Variants in PCDH15 observed in about 807,000 individuals in gnomAD.
PCDH15 encodes protocadherin-15.
A neutral mutation model predicts 178.5 loss-of-function variants in PCDH15; 129 were observed. The observed-to-expected ratio is 0.72, with a 90% CI of 0.63 to 0.84. PCDH15 has a LOEUF of 0.84. PCDH15 is among the 40% of genes least tolerant of loss of function. The pLI is 0.00. For synonymous variants in PCDH15, 800 were observed against 732.0 expected, an observed-to-expected ratio of 1.09 and a Z score of -1.50; for missense variants, 2,230 against 2,099.9, an observed-to-expected ratio of 1.06 and a Z score of -1.21.
chr10:53,897,633 CAAA>C (rs1589305652), intron 26 of PCDH15, among the ~76,000 whole-genome samples: 1 of 150,378 alleles, frequency 6.6e-6, no homozygotes, highest in Non-Finnish European at 1.5e-5. Context: ...CATTCATGCT[CAAA>C]ACGTCTTCTT....
chr10:53,827,600 T>TTA, intron 31 of PCDH15, 52 bp from the exon 32 acceptor site: 1 of 1,607,378 alleles, frequency 6.2e-7, no homozygotes, highest in African/African-American at 1.3e-5. Flanking sequence ...ATCATAATGC[T>TTA]TATCAATAAG....
At chr10:55,181,106 G>A (rs1247654989) in intron 1 of PCDH15, among the ~76,000 whole-genome samples, 1 of 151,954 alleles carries the variant, frequency 6.6e-6, no homozygotes. Context: ...TAAAATATGT[G>A]AAGAGAATAG....
intron 20 of PCDH15, among the ~76,000 whole-genome samples, chr10:53,997,619 A>G (rs186267226): frequency 1.3e-5 from 2 of 152,302 alleles, no homozygotes; most frequent in Admixed American, 1.3e-4. Context: ...AACAAAAAAA[A>G]TGTATATACT....
chr10:53,906,791 C>G (rs1168951735), intron 25 of PCDH15: 1 of 123,518 alleles, frequency 8.1e-6, no homozygotes, highest in Non-Finnish European at 1.6e-5. Flanking sequence ...TTACCCCACC[C>G]CTTATTCCTC....
chr10:54,154,031 T>G (rs527777662), intron 13 of PCDH15, among the ~76,000 whole-genome samples: 322 of 152,268 alleles, frequency 2.1e-3, no homozygotes, highest in Non-Finnish European at 2.4e-3. Context: ...TTTACATATA[T>G]CTATAATCAT....
At chr10:54,767,952 T>G (rs1948699685) in intron 1 of PCDH15, among the ~76,000 whole-genome samples, 1 of 152,130 alleles carries the variant, frequency 6.6e-6, no homozygotes, top group Non-Finnish European at 1.5e-5. Context: ...TGAATTTCAG[T>G]TAATAATAAC....
chr10:55,582,619 TA>T (rs1284178132), intron 2 of PCDH15, among the ~76,000 whole-genome samples: 1,820 of 102,502 alleles, frequency 0.018, 49 homozygotes, highest in African/African-American at 0.062. Context: ...TATATATATA[TA>T]TATATATATT....
chr10:54,083,458 A>G (rs924750066), intron 16 of PCDH15, among the ~76,000 whole-genome samples: 2 of 152,184 alleles, frequency 1.3e-5, no homozygotes, highest in Admixed American at 6.6e-5. Flanking sequence ...AAAAGTAGGG[A>G]CCTACTTGCA....
At chr10:54,856,110 G>C (rs1037735582) in intron 3 of PCDH15, among the ~76,000 whole-genome samples, 4 of 152,118 alleles carry the variant, frequency 2.6e-5, no homozygotes, top group Non-Finnish European at 5.9e-5. Context: ...ATGATTGTAA[G>C]AAATATTTTT....
At chr10:55,446,351 GTTTA>G (rs1484861513) in intron 2 of PCDH15, among the ~76,000 whole-genome samples, 1 of 151,598 alleles carries the variant, frequency 6.6e-6, no homozygotes, top group East Asian at 1.9e-4. Context: ...GAAACAAAAA[GTTTA>G]TTTAATAAGA....
chr10:55,217,580 CA>C (rs201645366), intron 1 of PCDH15, among the ~76,000 whole-genome samples: 3,151 of 151,916 alleles, frequency 0.021, 126 homozygotes, highest in African/African-American at 0.071. Flanking sequence ...TAAATTTCCA[CA>C]AAGCTATTAT....
intron 2 of PCDH15, among the ~76,000 whole-genome samples, chr10:55,098,407 A>C (rs936548449): frequency 6.6e-6 from 1 of 152,124 alleles, no homozygotes; most frequent in African/African-American, 2.4e-5. Context: ...TTTTAATGAA[A>C]AGCAGCCCCC....
chr10:55,136,495 G>C (rs745873481), intron 2 of PCDH15, among the ~76,000 whole-genome samples: 9 of 151,926 alleles, frequency 5.9e-5, no homozygotes, highest in Admixed American at 2.0e-4. Flanking sequence ...GGAAAAAAAA[G>C]AGTATTATAG....
chr10:54,566,105 C>T (rs887533120), intron 2 of PCDH15, among the ~76,000 whole-genome samples: 3 of 152,086 alleles, frequency 2.0e-5, no homozygotes, highest in Non-Finnish European at 4.4e-5. Context: ...TACATACATA[C>T]ATACATAAAA....
At chr10:54,420,783 G>T (rs2135807164) in intron 3 of PCDH15, among the ~76,000 whole-genome samples, 1 of 152,136 alleles carries the variant, frequency 6.6e-6, no homozygotes, top group East Asian at 1.9e-4. Flanking sequence ...GAGAATAGTT[G>T]ATTGGATTTG....
intron 2 of PCDH15, among the ~76,000 whole-genome samples, chr10:55,344,136 T>C (rs1844678054): frequency 6.6e-6 from 1 of 152,040 alleles, no homozygotes; most frequent in South Asian, 2.1e-4. Flanking sequence ...AATATATATG[T>C]ATTCAGATGG....
At chr10:54,538,750 C>T (rs2084865240) in intron 2 of PCDH15, among the ~76,000 whole-genome samples, 1 of 152,144 alleles carries the variant, frequency 6.6e-6, no homozygotes, top group African/African-American at 2.4e-5. Flanking sequence ...CCCCTTCATT[C>T]TCTTCCTCCT....
intron 3 of PCDH15, among the ~76,000 whole-genome samples, chr10:54,389,815 G>T (rs1201601775): frequency 6.6e-6 from 1 of 151,782 alleles, no homozygotes; most frequent in Non-Finnish European, 1.5e-5. Context: ...AACCAGGCAT[G>T]GTGGTGGGCG....
chr10:54,872,198 A>G (rs1413854371), intron 3 of PCDH15, among the ~76,000 whole-genome samples: 1 of 152,028 alleles, frequency 6.6e-6, no homozygotes, highest in Non-Finnish European at 1.5e-5. Flanking sequence ...AGGAGAAAAA[A>G]GATAAATTAT....
Sources: gnomAD v4.1 joint callset for allele counts (sites outside exome capture counted in the v4.1 genomes callset) on GRCh38, gnomAD v4.1.1 for gene constraint, MANE v1.5 for transcripts, NCBI Gene and HGNC (gene_info 2026-07-23, HGNC 2026-07-21) for gene names.